Variants in CACHD1 observed in about 807,000 individuals in gnomAD.
CACHD1 encodes cache domain containing 1, also known as VWFA and cache domain-containing protein 1.
In CACHD1, 71 loss-of-function variants were observed where a neutral mutation model predicts 138.7. The ratio of observed to expected loss-of-function variants is 0.51; its 90% CI spans 0.42 to 0.62. The LOEUF (loss-of-function observed/expected upper bound fraction) is 0.62. Ranked by LOEUF, CACHD1 falls within the 20% of genes least tolerant of loss-of-function variation. The probability of loss-of-function intolerance (pLI) is 0.00; values close to 1 mark genes in which losing one functional copy is unlikely to be tolerated. For synonymous variants in CACHD1, 578 were observed against 591.5 expected, an observed-to-expected ratio of 0.98 and a Z score of 0.33; for missense variants, 1,389 against 1,625.3, an observed-to-expected ratio of 0.85 and a Z score of 2.50.
At chr1:64,508,630 A>G (rs1646395237) in intron 1 of CACHD1, among the ~76,000 whole-genome samples, 2 of 152,166 alleles carry the variant, frequency 1.3e-5, no homozygotes, top group Non-Finnish European at 2.9e-5. Context: ...TTGACATTAA[A>G]CACCTGCTGC....
intron 16 of CACHD1, among the ~76,000 whole-genome samples, chr1:64,666,994 A>G (rs1193037476): frequency 1.3e-5 from 2 of 152,068 alleles, no homozygotes; most frequent in South Asian, 4.1e-4. Flanking sequence ...CCTTGAAACT[A>G]TCTCTTGAAA....
chr1:64,522,948 A>C (rs968692639), intron 1 of CACHD1, among the ~76,000 whole-genome samples: 3 of 152,344 alleles, frequency 2.0e-5, no homozygotes, highest in Admixed American at 6.5e-5. Flanking sequence ...GAATGATTTG[A>C]GTCCAGGGAA....
At position 64,658,735 on chromosome 1, in the gene CACHD1, G is replaced by A; in HGVS notation, c.1813G>A (p.Val605Met). ...AGACACTTCCTTTATTCTGTGTATT[G>A]TGGTGATACAACCAGAAATACCTGT... ...VQDTSFILCI[V>M]VIQPEIPVKQ... Residue 605 changes from valine (V) to methionine (M), a missense_variant, in exon 13 of 27, where the codon GTG (valine) becomes ATG (methionine). Physicochemically the swap from Val to Met is conservative, Grantham distance 21 (BLOSUM62 1). This residue lies in a region of CACHD1 where 1,000 missense variants were observed against 1,114.7 expected (regional missense o/e 0.90). Coordinates refer to ENST00000651257, the MANE Select transcript of CACHD1 (RefSeq NM_020925.4). 6.2e-7 allele frequency: 1 copy of A among 1,611,898 alleles called. No individual in the cohort carries two copies.
intron 1 of CACHD1, among the ~76,000 whole-genome samples, chr1:64,534,032 C>T (rs946749549): frequency 2.0e-5 from 3 of 148,844 alleles, no homozygotes; most frequent in South Asian, 2.1e-4. Context: ...AGATTACAGT[C>T]GTGAGCCCAG....
rs200417462 is a variant in CACHD1, at chr1:64,561,074, G to GT, written c.261+10427dup. Among the ~76,000 whole-genome samples, 844 of 148,218 alleles carry GT rather than the reference G, an allele frequency of 5.7e-3. 7 individuals are homozygous for GT. Among genetic ancestry groups the GT allele is most frequent in the African/African-American group, 0.02 (799 of 40,404 alleles). On this transcript the variant is annotated intron_variant, in intron 2 of 26. Coordinates refer to ENST00000651257, the MANE Select transcript of CACHD1 (RefSeq NM_020925.4). ...TATAGATAGCATATAGATGAGACTTGTTTTTTTTTAAATCTATTCTGAAAA... is the reference window on the plus strand; with the variant it reads ...TATAGATAGCATATAGATGAGACTTGTTTTTTTTTTAAATCTATTCTGAAAA...
At chr1:64,643,036 TAAAAAAAAAAAAAAAAAAAAAAA>T (rs139320316) in intron 8 of CACHD1, among the ~76,000 whole-genome samples, 1 of 33,342 alleles carries the variant, frequency 3.0e-5, no homozygotes, top group Non-Finnish European at 6.1e-5. Flanking sequence ...AGACTCTGTC[TAAAAAAAAAAAAAAAAAAAAAAA>T]AAAAAAAAAA....
chr1:64,669,425 A>G (rs1649743974), intron 16 of CACHD1, among the ~76,000 whole-genome samples: 1 of 152,220 alleles, frequency 6.6e-6, no homozygotes, highest in South Asian at 2.1e-4. Context: ...CTCAGTTTTC[A>G]GTGGTTTGGC....
chr1:64,476,966 G>A (rs1646177425), intron 1 of CACHD1, among the ~76,000 whole-genome samples: 1 of 152,134 alleles, frequency 6.6e-6, no homozygotes, highest in African/African-American at 2.4e-5. Flanking sequence ...GATATGCTTG[G>A]ACCTTGGAGT....
At chr1:64,540,006 G>A (rs927997362) in intron 1 of CACHD1, among the ~76,000 whole-genome samples, 3 of 152,046 alleles carry the variant, frequency 2.0e-5, no homozygotes, top group Non-Finnish European at 4.4e-5. Context: ...TTTCTTAAGG[G>A]TATGGGACCA....
intron 6 of CACHD1, among the ~76,000 whole-genome samples, chr1:64,633,643 T>G (rs1271848677): frequency 6.6e-6 from 1 of 152,158 alleles, no homozygotes; most frequent in Non-Finnish European, 1.5e-5. Flanking sequence ...CTTTGCCAAC[T>G]CCAGAGGTTT....
At chr1:64,577,335 A>G (rs946816444) in intron 2 of CACHD1, among the ~76,000 whole-genome samples, 5 of 152,236 alleles carry the variant, frequency 3.3e-5, no homozygotes, top group Admixed American at 6.5e-5. Flanking sequence ...ATTATTAGAA[A>G]TCATATTAAT....
At chr1:64,614,608 C>T (rs781333927) in intron 4 of CACHD1, among the ~76,000 whole-genome samples, 1 of 151,178 alleles carries the variant, frequency 6.6e-6, no homozygotes, top group Admixed American at 6.6e-5. Context: ...CCTAGATACC[C>T]GGCTGTGCAT....
chr1:64,554,566 A>G (rs1285182607), intron 2 of CACHD1, among the ~76,000 whole-genome samples: 1 of 152,200 alleles, frequency 6.6e-6, no homozygotes, highest in Admixed American at 6.5e-5. Context: ...GGTGTCTGAA[A>G]TGGTATCAGG....
intron 1 of CACHD1, among the ~76,000 whole-genome samples, chr1:64,531,228 G>C (rs1377712115): frequency 6.6e-6 from 1 of 152,156 alleles, no homozygotes; most frequent in East Asian, 1.9e-4. Flanking sequence ...CTGTAAGTTG[G>C]ACAGTTTCAG....
intron 3 of CACHD1, among the ~76,000 whole-genome samples, chr1:64,582,727 A>G (rs1012518521): frequency 2.6e-5 from 4 of 152,154 alleles, no homozygotes; most frequent in African/African-American, 9.7e-5. Flanking sequence ...TAAAACTCCT[A>G]TGGGAAATGT....
intron 7 of CACHD1, among the ~76,000 whole-genome samples, chr1:64,640,732 C>T (rs1207536734): frequency 2.3e-5 from 3 of 129,474 alleles, no homozygotes; most frequent in Non-Finnish European, 5.0e-5. Context: ...CACACACACA[C>T]TCTCAACATT....
rs1647775261 is a variant in CACHD1, at chr1:64,618,079, T to TG, written c.518-11276_518-11275insG. ...TGGGCAACAAGAGTGAAACTCAGTC[T>TG]CAAAAAAAAAAAAAAGTAACCTGTC... is the stretch of plus-strand genomic sequence containing the variant. On this transcript the variant is annotated intron_variant, in intron 4 of 26. Transcript: ENST00000651257. 8.6e-5 allele frequency among the ~76,000 whole-genome samples: 3 copies of TG among 35,074 alleles called. No homozygotes were observed. The Admixed American group carries it at 1.0e-3, about 12-fold the overall frequency. The allele number at this position is 35,074 out of a possible 152,430, so 23.0% of individuals were successfully genotyped here.
At chr1:64,569,598 T>C (rs922198012) in intron 2 of CACHD1, among the ~76,000 whole-genome samples, 1 of 152,124 alleles carries the variant, frequency 6.6e-6, no homozygotes, top group African/African-American at 2.4e-5. Context: ...GGAAGAGACA[T>C]GTAAGCTCCC....
chr1:64,638,744 CA>C (rs2100653641), intron 7 of CACHD1, among the ~76,000 whole-genome samples: 1 of 152,286 alleles, frequency 6.6e-6, no homozygotes, highest in South Asian at 2.1e-4. Flanking sequence ...CTTCCAGTTA[CA>C]TGCTGCATCT....
Sources: allele counts gnomAD v4.1 joint callset (sites outside exome capture counted in the v4.1 genomes callset), GRCh38; gene constraint gnomAD v4.1.1; regional missense constraint gnomAD v4.1.1; transcripts MANE v1.5; gene names NCBI Gene and HGNC (gene_info 2026-07-23, HGNC 2026-07-21).